Variants in RAD54B observed in about 807,000 individuals in gnomAD.
RAD54B encodes RAD54 homolog B, also known as DNA repair and recombination protein RAD54B.
Under a neutral mutation model 95.8 loss-of-function variants are expected in RAD54B, and 78 were observed. That is an observed-to-expected ratio of 0.81 (90% CI 0.68 to 0.98). RAD54B has a LOEUF of 0.98. Ranked by LOEUF, RAD54B falls within the 50% of genes least tolerant of loss-of-function variation. The pLI is 0.00. For synonymous variants in RAD54B, 328 were observed against 354.9 expected, an observed-to-expected ratio of 0.92 and a Z score of 0.85; for missense variants, 957 against 1,056.6, an observed-to-expected ratio of 0.91 and a Z score of 1.31.
intron 3 of RAD54B, among the ~76,000 whole-genome samples, chr8:94,435,330 T>G (rs34331484): frequency 6.6e-6 from 1 of 152,090 alleles, no homozygotes; most frequent in Non-Finnish European, 1.5e-5. Flanking sequence ...AAGCAGTATC[T>G]GGTAAGAAGC....
At chr8:94,454,662 G>C (rs1563663653) in intron 3 of RAD54B, among the ~76,000 whole-genome samples, 1 of 152,122 alleles carries the variant, frequency 6.6e-6, no homozygotes. Flanking sequence ...ATTTGAATAT[G>C]GGAAACCTTC....
intron 1 of RAD54B, among the ~76,000 whole-genome samples, chr8:94,468,566 C>G (rs1174348170): frequency 6.6e-6 from 1 of 151,994 alleles, no homozygotes; most frequent in Non-Finnish European, 1.5e-5. Flanking sequence ...TGGCTCATGC[C>G]TGTAATCCCA....
In RAD54B at chr8:94,399,579, C is replaced by G; in HGVS notation, c.1213G>C (p.Val405Leu). 6.2e-7 allele frequency: 1 copy of G among 1,612,210 alleles called. No individual in the cohort carries two copies. Among genetic ancestry groups the G allele is most frequent in the Non-Finnish European group, 8.5e-7 (1 of 1,179,244 alleles). Reference sequence around the variant, plus strand: ...AACATTTCATAACTGATAATAAGAACAGAATAAAATATAGACTTGATGAAT... The same window carrying G: ...AACATTTCATAACTGATAATAAGAAGAGAATAAAATATAGACTTGATGAAT... ...EEFIKSIFYS[V>L]LIISYEMLLR... The change falls in exon 8 of 15, where the codon GTT (valine) becomes CTT (leucine). Residue 405 changes from valine to leucine, a missense_variant. Coordinates refer to ENST00000336148, the MANE Select transcript of RAD54B (RefSeq NM_012415.3).
At chr8:94,432,328 T>C in intron 3 of RAD54B, 1 of 1,550,318 alleles carries the variant, frequency 6.5e-7, no homozygotes, top group Non-Finnish European at 8.7e-7. Context: ...ATTTGCAGGA[T>C]CTGAGGATCA....
chr8:94,430,174 A>G (rs1341500450), intron 3 of RAD54B: 2 of 602,132 alleles, frequency 3.3e-6, no homozygotes, highest in African/African-American at 4.0e-5. Flanking sequence ...TTAGCCAGGC[A>G]TGGTGGTGCG....
chr8:94,424,271 A>C (rs910362667), intron 3 of RAD54B, among the ~76,000 whole-genome samples: 2 of 152,212 alleles, frequency 1.3e-5, no homozygotes, highest in Non-Finnish European at 2.9e-5. Flanking sequence ...ACCCTATATA[A>C]GTTACTTAAC....
At position 94,380,315 on chromosome 8, in the gene RAD54B, G is replaced by A; in HGVS notation, c.2077C>T (p.Gln693Ter). ...TGCTGCCTTTGAGAGATTGGTGTTT[G>A]TCCATCAAGTCTTGTATAAGCATAT... Reference protein sequence around the residue: ...HGYAYTRLDGQTPISQRQQIV... With the variant: ...HGYAYTRLDG Residue 693 changes from glutamine (Q) to a stop codon, truncating the protein, a stop_gained, in exon 12 of 15, where the codon CAA becomes TAA. Coordinates refer to ENST00000336148, the MANE Select transcript of RAD54B (RefSeq NM_012415.3). LOFTEE classifies it high-confidence loss of function. 3 of 1,614,106 alleles carry A rather than the reference G, an allele frequency of 1.9e-6. No homozygotes were observed. The South Asian group carries it at 3.3e-5, about 18-fold the overall frequency.
chr8:94,452,841 T>A (rs956680648), intron 3 of RAD54B, among the ~76,000 whole-genome samples: 12 of 152,114 alleles, frequency 7.9e-5, no homozygotes, highest in Non-Finnish European at 1.6e-4. Flanking sequence ...ATCTTTAACA[T>A]CAAAAAGTTT....
intron 14 of RAD54B, 80 bp downstream of exon 14, chr8:94,378,094 ATAAAGT>A: frequency 1.9e-6 from 2 of 1,055,084 alleles, no homozygotes; most frequent in Non-Finnish European, 2.7e-6. Flanking sequence ...GGTAAATATT[ATAAAGT>A]TATTCTTTAA....
chr8:94,428,377 G>C, intron 3 of RAD54B: 1 of 955,114 alleles, frequency 1.0e-6, no homozygotes, highest in Non-Finnish European at 1.2e-6. Flanking sequence ...AGTATCCAAG[G>C]GGGATTGGTT....
chr8:94,446,295 G>A (rs1031693540), intron 3 of RAD54B, among the ~76,000 whole-genome samples: 6 of 152,158 alleles, frequency 3.9e-5, no homozygotes, highest in Non-Finnish European at 7.3e-5. Flanking sequence ...GTCCAAAAGA[G>A]TCAAGATAAG....
chr8:94,431,110 A>G (rs775148282), intron 3 of RAD54B: 70 of 966,920 alleles, frequency 7.2e-5, no homozygotes, highest in South Asian at 9.6e-5. Context: ...AGTAACATAC[A>G]TATTAGAGAT....
intron 3 of RAD54B, chr8:94,431,665 C>T (rs1212826687): frequency 8.2e-6 from 8 of 975,216 alleles, no homozygotes; most frequent in Non-Finnish European, 9.7e-6. Flanking sequence ...CTCTAAAATC[C>T]TAGGATTTAC....
chr8:94,403,039 A>G (rs1311257547), intron 6 of RAD54B, among the ~76,000 whole-genome samples: 3 of 152,200 alleles, frequency 2.0e-5, no homozygotes, highest in Non-Finnish European at 4.4e-5. Context: ...TTGGGAGGAA[A>G]TATGAGTCTA....
rs539746927 is a variant in RAD54B, at chr8:94,379,170, G to T, written c.2248-536C>A. On this transcript the variant is annotated intron_variant, in intron 12 of 14. Coordinates refer to ENST00000336148, the MANE Select transcript of RAD54B (RefSeq NM_012415.3). Reference sequence around the variant, plus strand: ...CATCTCTAGGCCTTTGGAATGTCCTGCCTGATATGAGTGTCTGTTTACCAG... The same window carrying T: ...CATCTCTAGGCCTTTGGAATGTCCTTCCTGATATGAGTGTCTGTTTACCAG... Among the ~76,000 whole-genome samples, 5 of 152,298 alleles carry T rather than the reference G, an allele frequency of 3.3e-5. No individual in the cohort carries two copies. In the East Asian group the frequency reaches 9.6e-4, roughly 29 times the overall value.
chr8:94,411,500 T>C (rs1366844247), intron 3 of RAD54B, among the ~76,000 whole-genome samples, 185 bp from the exon 4 acceptor site: 11 of 152,072 alleles, frequency 7.2e-5, no homozygotes, highest in Non-Finnish European at 8.8e-5. Flanking sequence ...GGTGTTAATA[T>C]TACCAGATGA....
chr8:94,474,666 G>A (rs1193246353), intron 1 of RAD54B, among the ~76,000 whole-genome samples: 3 of 152,074 alleles, frequency 2.0e-5, no homozygotes, highest in Admixed American at 6.5e-5. Context: ...TCCCAGTGCA[G>A]GAGTGAGGGA....
At chr8:94,412,243 C>G (rs949852309) in intron 3 of RAD54B, among the ~76,000 whole-genome samples, 1 of 152,094 alleles carries the variant, frequency 6.6e-6, no homozygotes. Flanking sequence ...TACTGTGTAC[C>G]TATACCAAGA....
At chr8:94,434,332 A>G (rs1230740690) in intron 3 of RAD54B, among the ~76,000 whole-genome samples, 4 of 151,924 alleles carry the variant, frequency 2.6e-5, no homozygotes, top group Non-Finnish European at 1.5e-5. Context: ...ACTAAGGCAT[A>G]ACAATATAAA....
Sources: gnomAD v4.1 joint callset for allele counts (sites outside exome capture counted in the v4.1 genomes callset) on GRCh38, gnomAD v4.1.1 for gene constraint, MANE v1.5 for transcripts, NCBI Gene and HGNC (gene_info 2026-07-23, HGNC 2026-07-21) for gene names.